Variants in GALNT7 observed in about 807,000 individuals in gnomAD.
GALNT7 encodes N-acetylgalactosaminyltransferase 7.
A neutral mutation model predicts 82.1 loss-of-function variants in GALNT7; 60 were observed. That is an observed-to-expected ratio of 0.73 (90% CI 0.59 to 0.91). The LOEUF is 0.91. Ranked by LOEUF, GALNT7 falls within the 40% of genes least tolerant of loss-of-function variation. The pLI is 0.00. For synonymous variants in GALNT7, 243 were observed against 275.1 expected, an observed-to-expected ratio of 0.88 and a Z score of 1.15; for missense variants, 660 against 804.2, an observed-to-expected ratio of 0.82 and a Z score of 2.17.
intron 9 of GALNT7, chr4:173,316,670 ATT>A (rs1270889996): frequency 6.6e-6 from 1 of 152,090 alleles, no homozygotes; most frequent in African/African-American, 2.4e-5. Flanking sequence ...AATAAATGGA[ATT>A]TTCTGTCCTC....
chr4:173,288,904 G>T (rs1377337943), intron 2 of GALNT7, among the ~76,000 whole-genome samples: 1 of 151,806 alleles, frequency 6.6e-6, no homozygotes, highest in Non-Finnish European at 1.5e-5. Context: ...TTTGTCAGTT[G>T]GTGTCTTAGT....
At chr4:173,260,410 T>A (rs1444025814) in intron 2 of GALNT7, among the ~76,000 whole-genome samples, 1 of 152,232 alleles carries the variant, frequency 6.6e-6, no homozygotes, top group Non-Finnish European at 1.5e-5. Context: ...AGATTTAATA[T>A]GTGTAAAATT....
intron 2 of GALNT7, among the ~76,000 whole-genome samples, chr4:173,264,591 T>G (rs1440739137): frequency 2.0e-5 from 3 of 152,216 alleles, no homozygotes; most frequent in African/African-American, 7.2e-5. Flanking sequence ...TCAAGTGACT[T>G]CCTAGGCAAC....
intron 1 of GALNT7, among the ~76,000 whole-genome samples, chr4:173,228,563 CATA>C (rs1328121592): frequency 5.9e-5 from 9 of 151,962 alleles, no homozygotes; most frequent in African/African-American, 1.9e-4. Context: ...AGCATTTCTG[CATA>C]ATGTCTCTTC....
intron 1 of GALNT7, among the ~76,000 whole-genome samples, chr4:173,208,551 C>G (rs1733171810): frequency 6.6e-6 from 1 of 152,188 alleles, no homozygotes. Flanking sequence ...CACCCGCAGA[C>G]TGAGCCCAGA....
chr4:173,286,055 G>A (rs1228659433), intron 2 of GALNT7, among the ~76,000 whole-genome samples: 1 of 151,994 alleles, frequency 6.6e-6, no homozygotes, highest in Non-Finnish European at 1.5e-5. Flanking sequence ...AGAAAAACAA[G>A]ATCTATGAAG....
At chr4:173,208,525 C>G (rs1407428605) in intron 1 of GALNT7, among the ~76,000 whole-genome samples, 2 of 152,180 alleles carry the variant, frequency 1.3e-5, no homozygotes, top group Non-Finnish European at 2.9e-5. Flanking sequence ...TTTATCCCTT[C>G]TTACCCCCTC....
At chr4:173,288,282 C>CAAAAAAAA (rs70944442) in intron 2 of GALNT7, among the ~76,000 whole-genome samples, 21 of 62,964 alleles carry the variant, frequency 3.3e-4, no homozygotes, top group African/African-American at 1.3e-3. Context: ...GACTCCATCT[C>CAAAAAAAA]AAAAAAAAAA....
In GALNT7 at chr4:173,285,633, T is replaced by C. The variant is rs530794280; in HGVS notation, c.588-6475T>C. On this transcript the variant is annotated intron_variant, in intron 2 of 11. Coordinates refer to ENST00000265000, the MANE Select transcript of GALNT7 (RefSeq NM_017423.3). Reference sequence around the variant, plus strand: ...TTTACTTTTACTGCAAAATATTTTATTTCAGTGCTTATTATTCTTAGGCCA... The same window carrying C: ...TTTACTTTTACTGCAAAATATTTTACTTCAGTGCTTATTATTCTTAGGCCA... Among the ~76,000 whole-genome samples the C allele has an allele frequency of 2.3e-4, 35 of 152,378 alleles. No homozygotes were observed. In the South Asian group the frequency reaches 6.8e-3, roughly 30 times the overall value.
chr4:173,174,509 C>T (rs1272657042), intron 1 of GALNT7, among the ~76,000 whole-genome samples: 5 of 152,194 alleles, frequency 3.3e-5, no homozygotes, highest in African/African-American at 4.8e-5. Flanking sequence ...AAATGTTTGG[C>T]GAATTCCTAA....
At chr4:173,176,757 G>T (rs1469599481) in intron 1 of GALNT7, among the ~76,000 whole-genome samples, 1 of 152,108 alleles carries the variant, frequency 6.6e-6, no homozygotes, top group African/African-American at 2.4e-5. Context: ...CCAATCCTGG[G>T]GACTACATGG....
intron 9 of GALNT7, chr4:173,316,425 C>A (rs1737606199): frequency 6.6e-6 from 1 of 152,220 alleles, no homozygotes. Flanking sequence ...TTTTTTTCAC[C>A]ACACTTATCA....
In GALNT7 at chr4:173,292,337, G is replaced by T. The variant is rs2126829786; in HGVS notation, c.754+63G>T. The T allele has an allele frequency of 9.7e-7, 1 of 1,033,370 alleles. No individual in the cohort carries two copies. The highest frequency in any genetic ancestry group is 1.4e-6 in the Non-Finnish European group (1 of 702,396). 64.0% of individuals were successfully genotyped at this position (1,033,370 alleles called of 1,614,324 possible). On this transcript the variant is annotated intron_variant, in intron 3 of 11. Transcript: ENST00000265000. The surrounding 1 kb of genome is among the most constrained non-coding windows in gnomAD (Gnocchi z 4.8). ...AGTTAAGCATGAATAATTGCAAAAA[G>T]GTGATTTCAAAATAATTAGCTTTAA... is the stretch of plus-strand genomic sequence containing the variant.
At chr4:173,227,229 G>T (rs1298092947) in intron 1 of GALNT7, among the ~76,000 whole-genome samples, 1 of 152,132 alleles carries the variant, frequency 6.6e-6, no homozygotes, top group Non-Finnish European at 1.5e-5. Flanking sequence ...TCCATTTAAA[G>T]AAGTATCTTG....
At chr4:173,221,393 A>T (rs2126689629) in intron 1 of GALNT7, among the ~76,000 whole-genome samples, 1 of 152,372 alleles carries the variant, frequency 6.6e-6, no homozygotes, top group African/African-American at 2.4e-5. Flanking sequence ...CTAGCCTAGG[A>T]ATAAAAGTCA....
chr4:173,193,198 G>A (rs978626503), intron 1 of GALNT7, among the ~76,000 whole-genome samples: 26 of 152,318 alleles, frequency 1.7e-4, no homozygotes, highest in African/African-American at 5.8e-4. Context: ...AGACGTGCCT[G>A]TTCTTCCTGC....
Position 173,318,503 on chromosome 4 carries a change from A to T in GALNT7, c.1780A>T (p.Lys594Ter). Residue 594 changes from lysine (K) to a stop codon, truncating the protein, a stop_gained, in exon 11 of 12, where the codon AAA (lysine) becomes TAA (stop). Transcript: ENST00000265000. LOFTEE classifies it high-confidence loss of function. ...TTTGACAAAGGGAGCTGATGGATCA[A>T]AAGTTATGATTACACACTGTAATCT... ...QCLTKGADGS[K>*]VMITHCNLNE... is the part of the protein sequence containing the mutation. 1 of 1,582,268 alleles carries T rather than the reference A, an allele frequency of 6.3e-7. No individual in the cohort carries two copies. The highest frequency in any genetic ancestry group is 8.7e-7 in the Non-Finnish European group (1 of 1,151,906).
chr4:173,182,044 G>A (rs1431561571), intron 1 of GALNT7, among the ~76,000 whole-genome samples: 2 of 152,172 alleles, frequency 1.3e-5, no homozygotes, highest in African/African-American at 2.4e-5. Context: ...CTGTTAACTG[G>A]TAACAGTAAG....
At chr4:173,314,258 G>C in intron 9 of GALNT7, 82 bp downstream of exon 9, 1 of 954,546 alleles carries the variant, frequency 1.0e-6, no homozygotes, top group South Asian at 1.3e-5. Context: ...ATGTAAGAGG[G>C]AAGTATTCTT....
Sources: gnomAD v4.1 joint callset for allele counts (sites outside exome capture counted in the v4.1 genomes callset) on GRCh38, gnomAD v4.1.1 for gene constraint, Gnocchi (gnomAD v3.1) non-coding constraint, MANE v1.5 for transcripts, NCBI Gene and HGNC (gene_info 2026-07-23, HGNC 2026-07-21) for gene names.